The following MARCHF1 variants were observed in gnomAD, a reference collection of about 807,000 sequenced individuals.
The protein encoded by MARCHF1 is membrane associated ring-CH-type finger 1.
A neutral mutation model predicts 54.2 loss-of-function variants in MARCHF1; 40 were observed. The observed-to-expected ratio is 0.74, with a 90% CI of 0.57 to 0.96. The LOEUF (loss-of-function observed/expected upper bound fraction) is 0.96, where lower values mean the gene tolerates loss of function less well. Among genes scored for constraint, MARCHF1 ranks in the 40% least tolerant of loss-of-function variants. The probability of loss-of-function intolerance (pLI) is 0.00; values close to 1 mark genes in which losing one functional copy is unlikely to be tolerated. For missense variants in MARCHF1, 586 were observed against 656.5 expected (o/e 0.89, Z 1.17); for synonymous variants, 236 against 236.3 (o/e 1.00, Z 0.01).
chr4:163,737,713 C>T (rs1746088650), intron 4 of MARCHF1, among the ~76,000 whole-genome samples: 1 of 122,522 alleles, frequency 8.2e-6, no homozygotes, highest in African/African-American at 2.6e-5. Context: ...TATGAGATAT[C>T]ATCTCACACC....
At position 163,744,242 on chromosome 4, in the gene MARCHF1, A is replaced by C. The variant is rs537677015; in HGVS notation, c.112-43379T>G. Among the ~76,000 whole-genome samples the C allele has an allele frequency of 3.0e-4, 46 of 152,240 alleles. 1 individual carries two copies. The South Asian group carries it at 9.1e-3, about 30-fold the overall frequency. ...TCACGGCATTTTATCTGCATTTTCG[A>C]ACCAATTTTTTTTTAGGGGAAAGCC... is the stretch of plus-strand genomic sequence containing the variant. On this transcript the variant is annotated intron_variant, in intron 4 of 9. Coordinates refer to ENST00000514618, the MANE Select transcript of MARCHF1 (RefSeq NM_001394959.1).
intron 2 of MARCHF1, among the ~76,000 whole-genome samples, chr4:164,049,452 T>A (rs908940232): frequency 2.0e-5 from 3 of 151,278 alleles, no homozygotes; most frequent in East Asian, 3.9e-4. Flanking sequence ...TTTTTTTTTT[T>A]AAATAATGAT....
chr4:163,812,545 GT>G (rs2111016460), intron 4 of MARCHF1, among the ~76,000 whole-genome samples: 1 of 152,228 alleles, frequency 6.6e-6, no homozygotes, highest in African/African-American at 2.4e-5. Context: ...ATCACCTGAG[GT>G]CAGGAGTTCG....
chr4:164,028,590 G>A (rs1378640307), intron 2 of MARCHF1, among the ~76,000 whole-genome samples: 3 of 152,272 alleles, frequency 2.0e-5, no homozygotes, highest in South Asian at 4.1e-4. Flanking sequence ...GGGAAACGAG[G>A]AGGGAGAATG....
intron 3 of MARCHF1, among the ~76,000 whole-genome samples, chr4:163,977,043 A>C (rs6536768): frequency 0.64 from 97,121 of 151,738 alleles, 31,228 homozygotes; most frequent in East Asian, 0.89. Flanking sequence ...TTTCATAGAA[A>C]AGTTGTGAGT....
chr4:163,609,986 G>C (rs1741279174), intron 7 of MARCHF1, among the ~76,000 whole-genome samples: 1 of 151,940 alleles, frequency 6.6e-6, no homozygotes, highest in Admixed American at 6.6e-5. Context: ...AGTCATATAA[G>C]TTCATGTAAA....
At chr4:163,814,519 G>C (rs1335531052) in intron 4 of MARCHF1, among the ~76,000 whole-genome samples, 1 of 152,158 alleles carries the variant, frequency 6.6e-6, no homozygotes, top group Non-Finnish European at 1.5e-5. Flanking sequence ...AGGAGGCAGA[G>C]GTTGCACTGA....
intron 4 of MARCHF1, among the ~76,000 whole-genome samples, chr4:163,792,353 T>C (rs567918621): frequency 6.6e-6 from 1 of 152,308 alleles, no homozygotes; most frequent in East Asian, 1.9e-4. Flanking sequence ...TTTGTTTCAA[T>C]GGATTGTAAA....
At chr4:163,945,306 G>A (rs1489450670) in intron 3 of MARCHF1, among the ~76,000 whole-genome samples, 2 of 151,996 alleles carry the variant, frequency 1.3e-5, no homozygotes, top group Admixed American at 1.3e-4. Flanking sequence ...GAGACTAGAC[G>A]AGTCAATACT....
At chr4:164,231,351 G>A (rs950758358) in intron 1 of MARCHF1, among the ~76,000 whole-genome samples, 11 of 151,906 alleles carry the variant, frequency 7.2e-5, no homozygotes, top group Non-Finnish European at 1.5e-4. Flanking sequence ...ATAGAGAAAT[G>A]GCCAATTTAT....
chr4:164,248,686 A>T (rs760890801), intron 1 of MARCHF1, among the ~76,000 whole-genome samples: 1 of 152,056 alleles, frequency 6.6e-6, no homozygotes, highest in South Asian at 2.1e-4. Flanking sequence ...TGTTCTAGGG[A>T]TAAGTTGTTC....
chr4:163,743,865 A>G (rs1185721084), intron 4 of MARCHF1, among the ~76,000 whole-genome samples: 1 of 152,234 alleles, frequency 6.6e-6, no homozygotes, highest in Non-Finnish European at 1.5e-5. Flanking sequence ...ATTTTAAAAA[A>G]TAAATACCCA....
At chr4:163,861,159 C>G (rs144029915) in intron 3 of MARCHF1, among the ~76,000 whole-genome samples, 1,901 of 152,092 alleles carry the variant, frequency 0.012, 19 homozygotes, top group Non-Finnish European at 0.021. Flanking sequence ...AACATTGTAA[C>G]AAAAATGAAG....
chr4:164,179,387 A>G (rs948161409), intron 1 of MARCHF1, among the ~76,000 whole-genome samples: 12 of 148,918 alleles, frequency 8.1e-5, no homozygotes, highest in Non-Finnish European at 1.8e-4. Context: ...CCATATTCTT[A>G]TGACAAAGTA....
intron 4 of MARCHF1, among the ~76,000 whole-genome samples, chr4:163,714,805 G>T (rs1299114740): frequency 6.6e-6 from 1 of 152,036 alleles, no homozygotes; most frequent in Non-Finnish European, 1.5e-5. Flanking sequence ...CAGTAGCTAG[G>T]ACTACAGGCA....
At chr4:164,255,424 A>G (rs1384936633) in intron 1 of MARCHF1, among the ~76,000 whole-genome samples, 3 of 151,728 alleles carry the variant, frequency 2.0e-5, no homozygotes, top group Admixed American at 2.0e-4. Flanking sequence ...CAAACAAAAA[A>G]AAAAGTAGAA....
chr4:163,715,963 A>T (rs138534703), intron 4 of MARCHF1, among the ~76,000 whole-genome samples: 80 of 152,300 alleles, frequency 5.3e-4, no homozygotes, highest in African/African-American at 1.9e-3. Flanking sequence ...GACAAACATA[A>T]AAAACGTAAA....
At chr4:163,784,445 AATG>A (rs1747558383) in intron 4 of MARCHF1, among the ~76,000 whole-genome samples, 1 of 152,122 alleles carries the variant, frequency 6.6e-6, no homozygotes. Flanking sequence ...AGGCAGAACA[AATG>A]ATTTGACTGG....
At chr4:163,751,797 C>T (rs566968733) in intron 4 of MARCHF1, among the ~76,000 whole-genome samples, 1 of 130,722 alleles carries the variant, frequency 7.6e-6, no homozygotes, top group Non-Finnish European at 1.7e-5. Flanking sequence ...TCCCAACACA[C>T]ATGTGCACGT....
Sources: allele counts gnomAD v4.1 joint callset (sites outside exome capture counted in the v4.1 genomes callset), GRCh38; gene constraint gnomAD v4.1.1; transcripts MANE v1.5; gene names NCBI Gene and HGNC (gene_info 2026-07-23, HGNC 2026-07-21).